The following GPC6 variants were observed in gnomAD, a reference collection of about 807,000 sequenced individuals.
The protein encoded by GPC6 is glypican 6.
GPC6 carries 14 observed loss-of-function variants against 55.2 expected under a neutral mutation model. The ratio of observed to expected loss-of-function variants is 0.25; its 90% CI spans 0.17 to 0.40. The LOEUF (loss-of-function observed/expected upper bound fraction) is 0.40, where lower values mean the gene tolerates loss of function less well. GPC6 is among the 10% of genes least tolerant of loss of function. GPC6 has a pLI of 1.00. For synonymous variants in GPC6, 278 were observed against 259.6 expected (o/e 1.07, Z -0.68); for missense variants, 641 against 708.5 (o/e 0.90, Z 1.08).
chr13:93,855,112 C>T (rs1470343735), intron 3 of GPC6, among the ~76,000 whole-genome samples: 1 of 151,670 alleles, frequency 6.6e-6, no homozygotes, highest in African/African-American at 2.4e-5. Flanking sequence ...CATCTAATAA[C>T]ATGTGTTCAC....
intron 4 of GPC6, among the ~76,000 whole-genome samples, chr13:94,077,233 TTGA>T (rs1456270532): frequency 2.6e-5 from 4 of 151,872 alleles, no homozygotes; most frequent in Admixed American, 2.6e-4. Context: ...TTTTATTTTT[TTGA>T]TGCTATTGTT....
chr13:93,385,914 C>T (rs2139210422), intron 1 of GPC6, among the ~76,000 whole-genome samples: 1 of 152,036 alleles, frequency 6.6e-6, no homozygotes, highest in South Asian at 2.1e-4. Flanking sequence ...CATTTAAACA[C>T]TTGGCTAACA....
chr13:93,825,495 T>C (rs1479076149), intron 2 of GPC6, among the ~76,000 whole-genome samples: 2 of 152,168 alleles, frequency 1.3e-5, no homozygotes, highest in Admixed American at 1.3e-4. Context: ...ACTTTCAAGG[T>C]CCCAGCCTCT....
chr13:93,971,260 T>C (rs1416224172), intron 3 of GPC6, among the ~76,000 whole-genome samples: 9 of 152,204 alleles, frequency 5.9e-5, no homozygotes, highest in Non-Finnish European at 2.9e-5. Context: ...CATTATTGAA[T>C]ATGTAATTTA....
At chr13:93,328,731 A>G (rs1879740109) in intron 1 of GPC6, among the ~76,000 whole-genome samples, 1 of 152,102 alleles carries the variant, frequency 6.6e-6, no homozygotes, top group Non-Finnish European at 1.5e-5. Flanking sequence ...TTTGAAATTA[A>G]CCCAATCACT....
chr13:93,769,304 T>A (rs578234466), intron 2 of GPC6, among the ~76,000 whole-genome samples: 4 of 152,262 alleles, frequency 2.6e-5, no homozygotes, highest in African/African-American at 9.6e-5. Context: ...CAAGAAGGAA[T>A]GTACACGTCT....
intron 1 of GPC6, among the ~76,000 whole-genome samples, chr13:93,457,522 G>C (rs1878500355): frequency 1.3e-5 from 2 of 152,136 alleles, no homozygotes; most frequent in South Asian, 2.1e-4. Context: ...AATTTCAGTG[G>C]GGTTCTTGGT....
intron 2 of GPC6, among the ~76,000 whole-genome samples, chr13:93,665,684 G>A (rs1257128044): frequency 1.2e-4 from 18 of 152,162 alleles, no homozygotes; most frequent in Admixed American, 1.2e-3. Context: ...TTTTGTAAGA[G>A]TGGGACAGAA....
chr13:93,879,714 G>T (rs1566582902), intron 3 of GPC6, among the ~76,000 whole-genome samples: 3 of 151,950 alleles, frequency 2.0e-5, no homozygotes, highest in South Asian at 2.1e-4. Flanking sequence ...ATTGACAAAT[G>T]GGATCTAAAT....
At chr13:94,232,968 A>G (rs1454477278) in intron 4 of GPC6, among the ~76,000 whole-genome samples, 1 of 150,946 alleles carries the variant, frequency 6.6e-6, no homozygotes, top group Admixed American at 6.6e-5. Flanking sequence ...GGAATTCACA[A>G]TAGTTCAGGT....
chr13:93,323,702 C>A (rs572608823), intron 1 of GPC6, among the ~76,000 whole-genome samples: 1 of 152,212 alleles, frequency 6.6e-6, no homozygotes, highest in East Asian at 1.9e-4. Flanking sequence ...ACCCTGCACC[C>A]AAGGACTTAG....
intron 1 of GPC6, among the ~76,000 whole-genome samples, chr13:93,364,126 G>A (rs1236101439): frequency 6.6e-6 from 1 of 152,200 alleles, no homozygotes; most frequent in East Asian, 1.9e-4. Context: ...CTGTGCAGAA[G>A]CTCTTTAGTT....
chr13:93,404,030 G>C (rs1876192808), intron 1 of GPC6, among the ~76,000 whole-genome samples: 1 of 152,048 alleles, frequency 6.6e-6, no homozygotes, highest in Non-Finnish European at 1.5e-5. Flanking sequence ...TCCTGGGAGA[G>C]AGCTCAGATT....
chr13:93,453,067 A>G (rs1878287926), intron 1 of GPC6, among the ~76,000 whole-genome samples: 2 of 152,222 alleles, frequency 1.3e-5, no homozygotes, highest in Non-Finnish European at 2.9e-5. Flanking sequence ...CTCTATTTGC[A>G]TGGGCTTAAT....
chr13:94,343,171 G>T (rs1279536085), intron 6 of GPC6, among the ~76,000 whole-genome samples: 1 of 152,150 alleles, frequency 6.6e-6, no homozygotes, highest in African/African-American at 2.4e-5. Context: ...CTGAGTGAAG[G>T]TCATTTTGGT....
chr13:93,815,226 A>G (rs1348572167), intron 2 of GPC6, among the ~76,000 whole-genome samples: 1 of 152,188 alleles, frequency 6.6e-6, no homozygotes, highest in African/African-American at 2.4e-5. Context: ...ACAACAAAAA[A>G]TATAAAACAT....
chr13:93,347,225 A>G (rs528833351), intron 1 of GPC6, among the ~76,000 whole-genome samples: 4 of 152,188 alleles, frequency 2.6e-5, no homozygotes, highest in Non-Finnish European at 5.9e-5. Context: ...ATGACCTTAC[A>G]TTGCATTAGA....
intron 4 of GPC6, among the ~76,000 whole-genome samples, chr13:94,135,027 T>C (rs1033462946): frequency 2.6e-5 from 4 of 152,184 alleles, no homozygotes; most frequent in Admixed American, 6.5e-5. Flanking sequence ...AGAATAGCCG[T>C]TGCCTCTCAT....
At chr13:94,249,264 G>T (rs1437267291) in intron 4 of GPC6, among the ~76,000 whole-genome samples, 1 of 152,056 alleles carries the variant, frequency 6.6e-6, no homozygotes, top group Non-Finnish European at 1.5e-5. Context: ...CTCAGCATAG[G>T]CTGATAACAA....
Sources: allele counts gnomAD v4.1 joint callset (sites outside exome capture counted in the v4.1 genomes callset), GRCh38; gene constraint gnomAD v4.1.1; transcripts MANE v1.5; gene names NCBI Gene and HGNC (gene_info 2026-07-23, HGNC 2026-07-21).